The following TIMP2 variants were observed in gnomAD, a reference collection of about 807,000 sequenced individuals.
The protein encoded by TIMP2 is TIMP metallopeptidase inhibitor 2.
Under a neutral mutation model 24.3 loss-of-function variants are expected in TIMP2, and 5 were observed. The ratio of observed to expected loss-of-function variants is 0.21; its 90% CI spans 0.11 to 0.43. The LOEUF (loss-of-function observed/expected upper bound fraction) is 0.43. Ranked by LOEUF, TIMP2 falls within the 20% of genes least tolerant of loss-of-function variation. The probability of loss-of-function intolerance (pLI) is 1.00; values close to 1 mark genes in which losing one functional copy is unlikely to be tolerated. For missense variants in TIMP2, 221 were observed against 297.5 expected, an observed-to-expected ratio of 0.74 and a Z score of 1.89; for synonymous variants, 130 against 123.2, an observed-to-expected ratio of 1.06 and a Z score of -0.37.
chr17:78,892,164 A>G (rs1436782190), intron 1 of TIMP2: 13 of 1,549,514 alleles, frequency 8.4e-6, no homozygotes, highest in Non-Finnish European at 1.1e-5. Context: ...CCTCTCCTCA[A>G]CTCCTCAGCC....
At chr17:78,870,110 T>C (rs1294704061) in intron 3 of TIMP2, among the ~76,000 whole-genome samples, 1 of 152,142 alleles carries the variant, frequency 6.6e-6, no homozygotes, top group East Asian at 1.9e-4. Flanking sequence ...CTAATGCCAC[T>C]GAAGTGTACA....
At chr17:78,899,504 G>A (rs904635632) in intron 1 of TIMP2, 1 of 152,216 alleles carries the variant, frequency 6.6e-6, no homozygotes, top group South Asian at 2.1e-4. Flanking sequence ...TCCTATCCCA[G>A]CCCCTGCGGG....
chr17:78,894,556 A>T (rs1174109770), intron 1 of TIMP2, among the ~76,000 whole-genome samples: 1 of 152,174 alleles, frequency 6.6e-6, no homozygotes, highest in Non-Finnish European at 1.5e-5. Context: ...GGGAAAGAAT[A>T]GTTTTTTTGT....
chr17:78,891,051 G>C lies in TIMP2; in HGVS notation c.131-17132C>G. On this transcript the variant is annotated intron_variant, in intron 1 of 4. Coordinates refer to ENST00000262768, the MANE Select transcript of TIMP2 (RefSeq NM_003255.5). The surrounding 1 kb of genome is among the most constrained non-coding windows in gnomAD (Gnocchi z 4.5). ...GCCTGGTCTTGAAGGTGGAGCTGAA[G>C]GGAGCCCTCTGCCAGCGTGCCCAGT... The C allele has an allele frequency of 1.3e-6, 2 of 1,551,114 alleles. No homozygotes were observed. Among genetic ancestry groups the C allele is most frequent in the Non-Finnish European group, 1.7e-6 (2 of 1,147,124 alleles).
chr17:78,895,963 AC>A (rs2069992610), intron 1 of TIMP2, among the ~76,000 whole-genome samples: 1 of 152,168 alleles, frequency 6.6e-6, no homozygotes. Flanking sequence ...ACCTCAGTGC[AC>A]CCCGTGCCAG....
intron 1 of TIMP2, among the ~76,000 whole-genome samples, chr17:78,885,402 T>A (rs1389708156): frequency 6.6e-6 from 1 of 152,198 alleles, no homozygotes; most frequent in East Asian, 1.9e-4. Flanking sequence ...CCACCACATC[T>A]GGGATCCTCA....
At chr17:78,865,668 T>C (rs1028739578) in intron 3 of TIMP2, among the ~76,000 whole-genome samples, 7 of 150,070 alleles carry the variant, frequency 4.7e-5, no homozygotes. Context: ...GTTGGGCACC[T>C]GTAATCCCAG....
chr17:78,861,341 T>A (rs929983942), intron 3 of TIMP2, among the ~76,000 whole-genome samples: 2 of 152,230 alleles, frequency 1.3e-5, no homozygotes, highest in Non-Finnish European at 2.9e-5. Flanking sequence ...TAGATTTGCC[T>A]TTCTTCTGCA....
At chr17:78,921,054 G>A (rs955473050) in intron 1 of TIMP2, among the ~76,000 whole-genome samples, 9 of 152,190 alleles carry the variant, frequency 5.9e-5, no homozygotes, top group African/African-American at 1.9e-4. Flanking sequence ...TTTAAAAAGC[G>A]CCACGCCGCC....
At position 78,924,417 on chromosome 17, in the gene TIMP2, T is replaced by C. The variant is rs997600578; in HGVS notation, c.130+542A>G. ...TTTTTCACCTGCCCCTCTGGGCCTG[T>C]GGAACCTGCCTCGGGTAGGGCGGGC... On this transcript the variant is annotated intron_variant, in intron 1 of 4. Transcript: ENST00000262768. The surrounding 1 kb of genome is among the most constrained non-coding windows in gnomAD (Gnocchi z 5.3). Among the ~76,000 whole-genome samples the C allele has an allele frequency of 6.6e-6, 1 of 152,202 alleles. No homozygotes were observed.
intron 1 of TIMP2, among the ~76,000 whole-genome samples, chr17:78,895,390 G>A (rs776322233): frequency 1.4e-4 from 21 of 152,172 alleles, no homozygotes; most frequent in South Asian, 1.2e-3. Context: ...CAACGGCAGC[G>A]GTCTTTAGAG....
intron 1 of TIMP2, chr17:78,892,531 G>C: frequency 6.8e-7 from 1 of 1,473,704 alleles, no homozygotes; most frequent in Middle Eastern, 2.5e-4. Flanking sequence ...CTGGAGACAA[G>C]CACACGGGAT....
chr17:78,863,336 G>A (rs548070282), intron 3 of TIMP2, among the ~76,000 whole-genome samples: 176 of 152,192 alleles, frequency 1.2e-3, no homozygotes, highest in African/African-American at 4.1e-3. Flanking sequence ...TCCGCCTCCC[G>A]GGTTCAAGTG....
intron 1 of TIMP2, among the ~76,000 whole-genome samples, chr17:78,888,001 A>G (rs1489976125): frequency 2.0e-5 from 3 of 152,166 alleles, no homozygotes; most frequent in Non-Finnish European, 4.4e-5. Context: ...AACCGTGCCG[A>G]GGCCAAAAAA....
At chr17:78,921,350 A>C (rs2070307393) in intron 1 of TIMP2, among the ~76,000 whole-genome samples, 1 of 152,178 alleles carries the variant, frequency 6.6e-6, no homozygotes, top group Non-Finnish European at 1.5e-5. Flanking sequence ...TGGAGGTGGG[A>C]ACATGTGAGG....
rs1046093016 is a variant in TIMP2, at chr17:78,924,776, G to A, written c.130+183C>T. On this transcript the variant is annotated intron_variant, in intron 1 of 4. Coordinates refer to ENST00000262768, the MANE Select transcript of TIMP2 (RefSeq NM_003255.5). The surrounding 1 kb of genome is among the most constrained non-coding windows in gnomAD (Gnocchi z 5.3). ...CAAAGAGAGGGAAAGAAAGGGAGAG[G>A]AGGGAGGGGGGAAAGAAAGTCGGCT... Among the ~76,000 whole-genome samples the A allele has an allele frequency of 6.6e-6, 1 of 152,188 alleles. No homozygotes were observed. Among genetic ancestry groups the A allele is most frequent in the East Asian group, 1.9e-4 (1 of 5,142 alleles).
At chr17:78,915,779 C>T (rs1267839886) in intron 1 of TIMP2, among the ~76,000 whole-genome samples, 1 of 152,212 alleles carries the variant, frequency 6.6e-6, no homozygotes, top group Non-Finnish European at 1.5e-5. Flanking sequence ...CTCGGCCTCC[C>T]CAAGTGCTGG....
chr17:78,914,834 G>A (rs931495388), intron 1 of TIMP2, among the ~76,000 whole-genome samples: 14 of 151,474 alleles, frequency 9.2e-5, no homozygotes, highest in Non-Finnish European at 1.3e-4. Flanking sequence ...TGATCCTCCC[G>A]CCTCAGCCTC....
chr17:78,866,514 C>T (rs1389202064), intron 3 of TIMP2, among the ~76,000 whole-genome samples: 1 of 127,806 alleles, frequency 7.8e-6, no homozygotes, highest in African/African-American at 2.9e-5. Context: ...CCCCTCCCCA[C>T]CCCCGACCCC....
Sources: allele counts gnomAD v4.1 joint callset (sites outside exome capture counted in the v4.1 genomes callset), GRCh38; gene constraint gnomAD v4.1.1; non-coding constraint Gnocchi (gnomAD v3.1); transcripts MANE v1.5; gene names NCBI Gene and HGNC (gene_info 2026-07-23, HGNC 2026-07-21).